VPS54: variants seen among roughly 807,000 people sequenced by gnomAD.
VPS54 encodes the protein VPS54 subunit of GARP complex, also known as vacuolar protein sorting-associated protein 54.
Under a neutral mutation model 121.5 loss-of-function variants are expected in VPS54, and 45 were observed. That is an observed-to-expected ratio of 0.37 (90% CI 0.29 to 0.47). VPS54 has a LOEUF of 0.47. VPS54 is among the 20% of genes least tolerant of loss of function. VPS54 has a pLI of 0.99. For missense variants in VPS54, 1,090 were observed against 1,131.4 expected (o/e 0.96, Z 0.52); for synonymous variants, 371 against 385.8 (o/e 0.96, Z 0.45).
Position 63,981,630 on chromosome 2 carries a change from C to T in VPS54, c.378+16G>A. The T allele has an allele frequency of 6.5e-7, 1 of 1,547,384 alleles. No individual in the cohort carries two copies. Among genetic ancestry groups the T allele is most frequent in the Non-Finnish European group, 8.7e-7 (1 of 1,148,822 alleles). ...TACTTTTGACCTGACTGTAACTAGC[C>T]AAGATTAGATATTACCTGAGAGATT... On this transcript the variant is annotated intron_variant, in intron 3 of 22. Coordinates refer to ENST00000272322, the MANE Select transcript of VPS54 (RefSeq NM_016516.3).
At chr2:63,996,595 C>T (rs1205289405) in intron 1 of VPS54, among the ~76,000 whole-genome samples, 1 of 152,114 alleles carries the variant, frequency 6.6e-6, no homozygotes, top group East Asian at 1.9e-4. Flanking sequence ...CTCTTATTGC[C>T]AAAAACGAGT....
chr2:63,901,600 A>G (rs1052865298), intron 20 of VPS54, among the ~76,000 whole-genome samples: 1 of 152,172 alleles, frequency 6.6e-6, no homozygotes, highest in African/African-American at 2.4e-5. Context: ...GGAAATAGAA[A>G]CAAATGCCAT....
chr2:63,968,941 G>A lies in VPS54; in HGVS notation c.492+16C>T, dbSNP rs1178102600. The A allele has an allele frequency of 1.3e-6, 2 of 1,596,882 alleles. No homozygotes were observed. Among genetic ancestry groups the A allele is most frequent in the Admixed American group, 3.5e-5 (2 of 56,380 alleles). On this transcript the variant is annotated intron_variant, in intron 5 of 22. Transcript: ENST00000272322. ...AAATATTATAAGGCAATTTTCTCAT[G>A]TTTAAGCTTTGTTACCTTAGGTACT...
chr2:64,006,423 C>T (rs1333237501), intron 1 of VPS54, among the ~76,000 whole-genome samples: 1 of 152,206 alleles, frequency 6.6e-6, no homozygotes, highest in East Asian at 1.9e-4. Context: ...GCCATACAAT[C>T]AGTTAGATCA....
intron 7 of VPS54, among the ~76,000 whole-genome samples, chr2:63,950,980 T>G (rs1675214921): frequency 6.6e-6 from 1 of 152,194 alleles, no homozygotes. Flanking sequence ...TTTGCTGGCA[T>G]TAAGTTCTCC....
chr2:63,912,484 TAAC>T (rs1673192433), intron 19 of VPS54, 53 bp downstream of exon 19: 2 of 1,609,442 alleles, frequency 1.2e-6, no homozygotes, highest in Non-Finnish European at 1.7e-6. Flanking sequence ...TTAAAATACT[TAAC>T]AATTAAGGAT....
At position 63,892,960 on chromosome 2, in the gene VPS54, T is replaced by C. The variant is rs1453688583; in HGVS notation, c.*470A>G. 2 of 153,246 alleles carry C rather than the reference T, an allele frequency of 1.3e-5. No individual in the cohort carries two copies. The highest frequency in any genetic ancestry group is 2.4e-5 in the African/African-American group (1 of 41,466). 9.5% of individuals were successfully genotyped at this position (153,246 alleles called of 1,614,324 possible). On this transcript the variant is annotated 3_prime_UTR_variant, in exon 23 of 23. Coordinates refer to ENST00000272322, the MANE Select transcript of VPS54 (RefSeq NM_016516.3). ...AAGATCTGTAAAAAAATAATAATTTTTCAAACAGCTTTACTTTCATAGAGA... is the reference window on the plus strand; with the variant it reads ...AAGATCTGTAAAAAAATAATAATTTCTCAAACAGCTTTACTTTCATAGAGA...
rs1336026002 is a variant in VPS54, at chr2:64,019,232, C to T, written c.-315G>A. 6.6e-6 allele frequency among the ~76,000 whole-genome samples: 1 copy of T among 150,388 alleles called. No homozygotes were observed. The highest frequency in any genetic ancestry group is 2.4e-5 in the African/African-American group (1 of 41,240). On this transcript the variant is annotated 5_prime_UTR_variant, in exon 1 of 23. Coordinates refer to ENST00000272322, the MANE Select transcript of VPS54 (RefSeq NM_016516.3). ...GTTTCCCCCGGGTCCGCAGCGCCGC[C>T]TCCGCCGCTGCTGCCACCGCCTCTC...
intron 3 of VPS54, among the ~76,000 whole-genome samples, chr2:63,974,090 A>G (rs1182052775): frequency 6.6e-6 from 1 of 152,166 alleles, no homozygotes; most frequent in African/African-American, 2.4e-5. Flanking sequence ...TGCATTTTAC[A>G]TTAAGGTCTA....
rs140327839 is a variant in VPS54 at position 63,892,378 on chromosome 2, T to G, written c.*1052A>C. 170 of 152,334 alleles carry G rather than the reference T, an allele frequency of 1.1e-3. No individual in the cohort carries two copies. Among genetic ancestry groups the G allele is most frequent in the African/African-American group, 3.7e-3 (154 of 41,570 alleles). The allele number at this position is 152,334 out of a possible 1,614,324, so 9.4% of individuals were successfully genotyped here. On this transcript the variant is annotated 3_prime_UTR_variant, in exon 23 of 23. Coordinates refer to ENST00000272322, the MANE Select transcript of VPS54 (RefSeq NM_016516.3). ...ACTTTATTTGTACAGTGCTGCTGATTCTAATTTTGAAGGTAGGTATTATAA... is the reference window on the plus strand; with the variant it reads ...ACTTTATTTGTACAGTGCTGCTGATGCTAATTTTGAAGGTAGGTATTATAA...
intron 20 of VPS54, among the ~76,000 whole-genome samples, chr2:63,904,044 AG>A (rs1285636384): frequency 6.6e-6 from 1 of 152,208 alleles, no homozygotes; most frequent in Non-Finnish European, 1.5e-5. Context: ...ACACAAGGAT[AG>A]TAAGAGAAAC....
At chr2:64,017,649 G>T (rs1409341403) in intron 1 of VPS54, among the ~76,000 whole-genome samples, 1 of 152,118 alleles carries the variant, frequency 6.6e-6, no homozygotes, top group African/African-American at 2.4e-5. Flanking sequence ...TGGTTGTGAT[G>T]CATTCTTTAT....
At chr2:63,922,933 T>TA (rs555242935) in intron 12 of VPS54, among the ~76,000 whole-genome samples, 1,673 of 143,672 alleles carry the variant, frequency 0.012, 26 homozygotes, top group African/African-American at 0.033. Context: ...CTCAAGTCCT[T>TA]AAAAAAAAAA....
At chr2:64,001,409 T>C (rs1474470023) in intron 1 of VPS54, among the ~76,000 whole-genome samples, 1 of 152,148 alleles carries the variant, frequency 6.6e-6, no homozygotes, top group Non-Finnish European at 1.5e-5. Context: ...AAGTCCCCTT[T>C]ATTTTTCCAT....
At chr2:63,914,862 G>A (rs980109396) in intron 16 of VPS54, among the ~76,000 whole-genome samples, 27 of 151,970 alleles carry the variant, frequency 1.8e-4, no homozygotes, top group African/African-American at 5.3e-4. Flanking sequence ...GGCTGGGCGC[G>A]GTGGCTCACA....
intron 3 of VPS54, among the ~76,000 whole-genome samples, chr2:63,972,782 G>A (rs1377045529): frequency 6.6e-6 from 1 of 151,882 alleles, no homozygotes; most frequent in South Asian, 2.1e-4. Flanking sequence ...GGAGGCTGAG[G>A]CACAAGAATC....
chr2:63,898,518 G>C (rs1672536972), intron 21 of VPS54, among the ~76,000 whole-genome samples: 1 of 152,152 alleles, frequency 6.6e-6, no homozygotes, highest in African/African-American at 2.4e-5. Flanking sequence ...GCTAGTATAG[G>C]ATGGAAGTTT....
chr2:63,966,123 A>T (rs1575967112), intron 5 of VPS54, among the ~76,000 whole-genome samples, 157 bp from the exon 6 acceptor site: 1 of 152,336 alleles, frequency 6.6e-6, no homozygotes, highest in East Asian at 1.9e-4. Flanking sequence ...AAATATCTAT[A>T]AGAAAAATGT....
At chr2:63,987,459 C>T (rs1033354204) in intron 1 of VPS54, among the ~76,000 whole-genome samples, 5 of 143,110 alleles carry the variant, frequency 3.5e-5, no homozygotes, top group Non-Finnish European at 3.2e-5. Flanking sequence ...TCACATCATG[C>T]GGTTCTTCCA....
Sources: allele counts gnomAD v4.1 joint callset (sites outside exome capture counted in the v4.1 genomes callset), GRCh38; gene constraint gnomAD v4.1.1; transcripts MANE v1.5; gene names NCBI Gene and HGNC (gene_info 2026-07-23, HGNC 2026-07-21).